The following MAP3K7 variants were observed in gnomAD, a reference collection of about 807,000 sequenced individuals.
MAP3K7 encodes mitogen-activated protein kinase kinase kinase 7.
MAP3K7 carries 21 observed loss-of-function variants against 84.8 expected under a neutral mutation model. The observed-to-expected ratio is 0.25, with a 90% CI of 0.18 to 0.36. The LOEUF is 0.36. Ranked by LOEUF, MAP3K7 falls within the 10% of genes least tolerant of loss-of-function variation. The pLI is 1.00. For synonymous variants in MAP3K7, 241 were observed against 247.7 expected (o/e 0.97, Z 0.25); for missense variants, 503 against 747.7 (o/e 0.67, Z 3.82).
chr6:90,544,700 T>G (rs1775950920), intron 11 of MAP3K7, 68 bp from the exon 12 acceptor site: 1 of 1,259,964 alleles, frequency 7.9e-7, no homozygotes, highest in Non-Finnish European at 1.2e-6. Context: ...AATGATTAAC[T>G]ACAAAAATAG....
At chr6:90,586,692 C>A in intron 1 of MAP3K7, 72 bp downstream of exon 1, 1 of 1,527,644 alleles carries the variant, frequency 6.5e-7, no homozygotes. Flanking sequence ...GAGGCACCTT[C>A]AGAGCCGGCA....
At chr6:90,565,496 T>C (rs1776671534) in intron 3 of MAP3K7, among the ~76,000 whole-genome samples, 1 of 152,078 alleles carries the variant, frequency 6.6e-6, no homozygotes, top group African/African-American at 2.4e-5. Context: ...ACATACACCC[T>C]CCCAAGACTA....
At chr6:90,560,417 A>G (rs559046102) in intron 4 of MAP3K7, among the ~76,000 whole-genome samples, 1 of 152,102 alleles carries the variant, frequency 6.6e-6, no homozygotes, top group Admixed American at 6.5e-5. Flanking sequence ...GCTGGAGTGC[A>G]GTGGTGCGAT....
Position 90,552,032 on chromosome 6 carries a change from C to G in MAP3K7, c.867+17G>C, listed in dbSNP as rs1227643285. The G allele has an allele frequency of 1.9e-6, 3 of 1,587,022 alleles. No individual in the cohort carries two copies. The highest frequency in any genetic ancestry group is 2.6e-6 in the Non-Finnish European group (3 of 1,159,412). ...AAATTCCCCTAAATCCAAAGCCCCT[C>G]AAAAGAAGGATTATACCCGCATCAA... is the stretch of plus-strand genomic sequence containing the variant. On this transcript the variant is annotated intron_variant, in intron 8 of 16. Transcript: ENST00000369329.
chr6:90,563,372 A>AC (rs1371374467), intron 3 of MAP3K7, among the ~76,000 whole-genome samples: 6 of 152,180 alleles, frequency 3.9e-5, no homozygotes, highest in African/African-American at 1.4e-4. Context: ...CATAGAGAAG[A>AC]CCTTAAATGA....
Position 90,561,505 on chromosome 6 carries a change from T to C in MAP3K7, c.343+117A>G. 8 of 630,878 alleles carry C rather than the reference T, an allele frequency of 1.3e-5. 1 individual carries two copies. The South Asian group carries it at 1.8e-4, about 14-fold the overall frequency. 39.1% of individuals were successfully genotyped at this position (630,878 alleles called of 1,614,324 possible). ...ATTCTTAGCAGATTTTTAAAAATTATGCCCTTTTGGGACTCTGACGGCAAA... is the reference window on the plus strand; with the variant it reads ...ATTCTTAGCAGATTTTTAAAAATTACGCCCTTTTGGGACTCTGACGGCAAA... On this transcript the variant is annotated intron_variant, in intron 4 of 16. Coordinates refer to ENST00000369329, the MANE Select transcript of MAP3K7 (RefSeq NM_145331.3).
intron 14 of MAP3K7, 74 bp from the exon 15 acceptor site, chr6:90,519,393 G>A: frequency 2.1e-6 from 2 of 960,286 alleles, no homozygotes; most frequent in Non-Finnish European, 3.2e-6. Flanking sequence ...AAGCATGAAT[G>A]AAATGCTTTT....
At chr6:90,540,431 T>C (rs1473379225) in intron 12 of MAP3K7, among the ~76,000 whole-genome samples, 2 of 151,906 alleles carry the variant, frequency 1.3e-5, no homozygotes, top group African/African-American at 4.8e-5. Flanking sequence ...TATGATGATA[T>C]AATAGCATTA....
intron 12 of MAP3K7, among the ~76,000 whole-genome samples, chr6:90,538,835 A>G (rs909593245): frequency 1.3e-5 from 2 of 151,824 alleles, no homozygotes; most frequent in Non-Finnish European, 2.9e-5. Context: ...CCACTCCTGT[A>G]ATTTTTCTTA....
At chr6:90,518,360 TA>T in intron 16 of MAP3K7, 86 bp downstream of exon 16, 1 of 744,214 alleles carries the variant, frequency 1.3e-6, no homozygotes, top group Non-Finnish European at 2.2e-6. Flanking sequence ...TGACTAATTC[TA>T]AAAACTACGT....
rs1463813744 is a variant in MAP3K7 at position 90,527,077 on chromosome 6, C to T, written c.1357-3294G>A. ...AAAAAGTTTAGTTTATCCAACTTTGCAAATGACTGCAAAGGTCACTCATCT... is the reference window on the plus strand; with the variant it reads ...AAAAAGTTTAGTTTATCCAACTTTGTAAATGACTGCAAAGGTCACTCATCT... On this transcript the variant is annotated intron_variant, in intron 13 of 16. Coordinates refer to ENST00000369329, the MANE Select transcript of MAP3K7 (RefSeq NM_145331.3). 2.6e-5 allele frequency among the ~76,000 whole-genome samples: 4 copies of T among 152,126 alleles called. No individual in the cohort carries two copies. In the East Asian group the frequency reaches 5.8e-4, roughly 22 times the overall value.
At chr6:90,583,113 C>T (rs539544310) in intron 1 of MAP3K7, among the ~76,000 whole-genome samples, 2 of 152,192 alleles carry the variant, frequency 1.3e-5, no homozygotes, top group African/African-American at 4.8e-5. Flanking sequence ...GAACTCCTGG[C>T]TTCAAGTGAT....
At chr6:90,585,729 G>GA (rs139984245) in intron 1 of MAP3K7, among the ~76,000 whole-genome samples, 10,694 of 152,268 alleles carry the variant, frequency 0.07, 371 homozygotes, top group South Asian at 0.088. Flanking sequence ...GCAGAATAAA[G>GA]AAAGGATATG....
intron 1 of MAP3K7, among the ~76,000 whole-genome samples, chr6:90,577,864 T>A (rs1446210072): frequency 6.6e-6 from 1 of 152,206 alleles, no homozygotes; most frequent in African/African-American, 2.4e-5. Context: ...AATCACTGCA[T>A]TCAAGGCTAA....
chr6:90,542,817 AT>A (rs144940794), intron 12 of MAP3K7, among the ~76,000 whole-genome samples: 2,618 of 152,082 alleles, frequency 0.017, 88 homozygotes, highest in African/African-American at 0.06. Context: ...CACTGCTGCC[AT>A]TTTGGGCTGG....
In MAP3K7 at chr6:90,553,600, A is replaced by T. The variant is rs1466863315; in HGVS notation, c.608-14T>A. 1.3e-6 allele frequency: 2 copies of T among 1,593,518 alleles called. No individual in the cohort carries two copies. The highest frequency in any genetic ancestry group is 1.7e-6 in the Non-Finnish European group (2 of 1,172,826). ...TGTAATTACTACCTAGAAAAAAAAA[A>T]GGTAGTATATAACCTAAAGACTATT... On this transcript the variant is annotated splice_polypyrimidine_tract_variant and intron_variant, in intron 6 of 16. Transcript: ENST00000369329.
chr6:90,522,671 A>G lies in MAP3K7; in HGVS notation c.1462+1007T>C, dbSNP rs533279840. Reference sequence around the variant, plus strand: ...TTTAAACTTACTAAAACTAGAGAGTACACCCTGGCTAAACATAGTTCTATC... The same window carrying G: ...TTTAAACTTACTAAAACTAGAGAGTGCACCCTGGCTAAACATAGTTCTATC... On this transcript the variant is annotated intron_variant, in intron 14 of 16. Transcript: ENST00000369329. Among the ~76,000 whole-genome samples, 15 of 152,266 alleles carry G rather than the reference A, an allele frequency of 9.9e-5. No homozygotes were observed. In the South Asian group the frequency reaches 2.9e-3, roughly 29 times the overall value.
At chr6:90,539,818 G>A (rs1775799438) in intron 12 of MAP3K7, among the ~76,000 whole-genome samples, 1 of 151,504 alleles carries the variant, frequency 6.6e-6, no homozygotes, top group African/African-American at 2.4e-5. Flanking sequence ...TCTGAAGGAG[G>A]GCAACAAGAT....
rs545383999 is a variant in MAP3K7, at chr6:90,553,522, C to G, written c.672G>C (p.Thr224=). The change falls in exon 7 of 17, where the codon ACG becomes ACC. Residue 224 remains threonine (T), a synonymous_variant. Transcript: ENST00000369329. The part of the protein sequence containing the change: ...SWGIILWEVI[T]RRKPFDEIGG... ...CAATCTCATCAAAGGGTTTCCGACG[C>G]GTTATCACTTCCCAAAGAATAATAC... is the stretch of plus-strand genomic sequence containing the variant. The G allele has an allele frequency of 1.9e-6, 3 of 1,613,634 alleles. No individual in the cohort carries two copies. Among genetic ancestry groups the G allele is most frequent in the Non-Finnish European group, 2.5e-6 (3 of 1,179,836 alleles).
Sources: gnomAD v4.1 joint callset for allele counts (sites outside exome capture counted in the v4.1 genomes callset) on GRCh38, gnomAD v4.1.1 for gene constraint, MANE v1.5 for transcripts, NCBI Gene and HGNC (gene_info 2026-07-23, HGNC 2026-07-21) for gene names.